CLEC4G: variants seen among roughly 807,000 people sequenced by gnomAD.
The protein encoded by CLEC4G is C-type lectin domain family 4 member G, also known as C-type lectin superfamily 4, member G.
Under a neutral mutation model 37.0 loss-of-function variants are expected in CLEC4G, and 34 were observed. The observed-to-expected ratio is 0.92, with a 90% CI of 0.70 to 1.22. The LOEUF is 1.22. CLEC4G is among the 50% of genes most tolerant of loss of function. CLEC4G has a pLI of 0.00. For synonymous variants in CLEC4G, 167 were observed against 165.6 expected (o/e 1.01, Z -0.06); for missense variants, 390 against 392.9 (o/e 0.99, Z 0.06).
chr19:7,730,509 G>A lies in CLEC4G; in HGVS notation c.389-69C>T. On this transcript the variant is annotated intron_variant, in intron 5 of 8. Coordinates refer to ENST00000328853, the MANE Select transcript of CLEC4G (RefSeq NM_198492.4). The surrounding 1 kb of genome is among the most constrained non-coding windows in gnomAD (Gnocchi z 7.3). The stretch of plus-strand genomic sequence containing the variant: ...AGGACCAGGGTCATGACTAGCTAAA[G>A]GTCAGGACCCCTGTCTGTGGTCATT... 1 of 1,566,486 alleles carries A rather than the reference G, an allele frequency of 6.4e-7. No homozygotes were observed. The highest frequency in any genetic ancestry group is 8.6e-7 in the Non-Finnish European group (1 of 1,163,536).
At chr19:7,731,985 C>A in intron 1 of CLEC4G, 63 bp downstream of exon 1, 3 of 1,464,186 alleles carry the variant, frequency 2.0e-6, no homozygotes, top group Non-Finnish European at 1.9e-6. Context: ...TCGACTCTTC[C>A]CTCCCCTCCC....
In CLEC4G at chr19:7,731,280, A is replaced by G; in HGVS notation, c.206T>C (p.Leu69Pro). ...ERAALLDGHD[L>P]LRTNASKQTA... The stretch of plus-strand genomic sequence containing the variant: ...TCTGCACACACCGTTTGTCCTCAGC[A>G]GGTCGTGGCCGTCAAGCAGCGCCGC... Residue 69 changes from leucine (L) to proline (P), a missense_variant, in exon 3 of 9, where the codon CTG (leucine) becomes CCG (proline). Transcript: ENST00000328853. 6.3e-7 allele frequency: 1 copy of G among 1,591,818 alleles called. No individual in the cohort carries two copies. Among genetic ancestry groups the G allele is most frequent in the Non-Finnish European group, 8.5e-7 (1 of 1,173,142 alleles).
At position 7,730,083 on chromosome 19, in the gene CLEC4G, G is replaced by T; in HGVS notation, c.563C>A (p.Ala188Glu). 6.2e-7 allele frequency: 1 copy of T among 1,607,742 alleles called. No homozygotes were observed. Residue 188 changes from alanine to glutamate, a missense_variant, in exon 7 of 9, where the codon GCG (alanine) becomes GAG (glutamate). Ala to Glu is a moderately radical substitution (Grantham distance 107, BLOSUM62 -1). Transcript: ENST00000328853. The surrounding 1 kb of genome is among the most constrained non-coding windows in gnomAD (Gnocchi z 7.3). ...GGCATCTGCGCAGTGATCCTGCGCC[G>T]CCGCCCACGTCGTCTTTGGCACAGA... ...FFSVPKTTWAAAQDHCADASA... is the reference protein window; with the variant it reads ...FFSVPKTTWAEAQDHCADASA...
Position 7,730,313 on chromosome 19 carries a change from G to T in CLEC4G, c.478+38C>A. 2 of 1,585,326 alleles carry T rather than the reference G, an allele frequency of 1.3e-6. No homozygotes were observed. The highest frequency in any genetic ancestry group is 8.5e-7 in the Non-Finnish European group (1 of 1,170,068). ...TCCAGGAGTGACAGGGTCCGCTTAC[G>T]CCCTCACAGCCCGCCCCCGACCCCC... is the stretch of plus-strand genomic sequence containing the variant. On this transcript the variant is annotated intron_variant, in intron 6 of 8. Transcript: ENST00000328853. This position sits in a 1 kb window ranked among gnomAD's most constrained non-coding sequence, Gnocchi z 7.3.
At position 7,731,786 on chromosome 19, in the gene CLEC4G, A is replaced by G. The variant is rs768086291; in HGVS notation, c.56-15T>C. On this transcript the variant is annotated splice_polypyrimidine_tract_variant and intron_variant, in intron 1 of 8. Transcript: ENST00000328853. ...TCCCCAGGGCCCTGGCATAACAAGG[A>G]CGGCATGCTGGGTCCCCCAGAACTG... 1 of 1,609,158 alleles carries G rather than the reference A, an allele frequency of 6.2e-7. No homozygotes were observed. Among genetic ancestry groups the G allele is most frequent in the Non-Finnish European group, 8.5e-7 (1 of 1,177,782 alleles).
chr19:7,729,912 C>T lies in CLEC4G; in HGVS notation c.652G>A (p.Gly218Ser). 1 of 1,614,176 alleles carries T rather than the reference C, an allele frequency of 6.2e-7. No individual in the cohort carries two copies. Among genetic ancestry groups the T allele is most frequent in the Non-Finnish European group, 8.5e-7 (1 of 1,180,028 alleles). The change falls in exon 8 of 9, where the codon GGC (glycine) becomes AGC (serine). Residue 218 changes from glycine to serine, a missense_variant. Physicochemically the swap from Gly to Ser is moderately conservative, Grantham distance 56. Coordinates refer to ENST00000328853, the MANE Select transcript of CLEC4G (RefSeq NM_198492.4). Reference protein sequence around the residue: ...EQGFLTRNTRGRGYWLGLRAV... With the variant: ...EQGFLTRNTRSRGYWLGLRAV... The stretch of plus-strand genomic sequence containing the variant: ...CTCAGGCCCAGCCAGTAACCACGGC[C>T]ACGCGTGTTCCGAGTGAGGAAGCCC...
chr19:7,731,659 AC>A lies in CLEC4G; in HGVS notation c.166+1del, dbSNP rs758510011. ...AACACCTCCCCATTGAGAGTCACTC[AC>A]CCTTGGACAATAGGATACTCAGAAT... On this transcript the variant is annotated splice_donor_variant, in intron 2 of 8. Coordinates refer to ENST00000328853, the MANE Select transcript of CLEC4G (RefSeq NM_198492.4). LOFTEE classifies it high-confidence loss of function. 1.2e-6 allele frequency: 2 copies of A among 1,613,132 alleles called. No homozygotes were observed. The highest frequency in any genetic ancestry group is 1.7e-6 in the Non-Finnish European group (2 of 1,179,616).
At position 7,730,112 on chromosome 19, in the gene CLEC4G, A is replaced by G; in HGVS notation, c.534T>C (p.Phe178=). Residue 178 remains phenylalanine (F), a synonymous_variant, in exon 7 of 9, where the codon TTT becomes TTC. Transcript: ENST00000328853. The surrounding 1 kb of genome is among the most constrained non-coding windows in gnomAD (Gnocchi z 7.3). ...SWLSFEGSCY[F]FSVPKTTWAA... is the part of the protein sequence containing the mutation. ...CCCACGTCGTCTTTGGCACAGAGAA[A>G]AAGTAGCAGGAGCCCTCGAAGGACA... The G allele has an allele frequency of 6.2e-7, 1 of 1,612,538 alleles. No individual in the cohort carries two copies. The highest frequency in any genetic ancestry group is 8.5e-7 in the Non-Finnish European group (1 of 1,179,562).
Position 7,729,841 on chromosome 19 carries a change from G to T in CLEC4G, c.723C>A (p.Asp241Glu). 1 of 1,614,120 alleles carries T rather than the reference G, an allele frequency of 6.2e-7. No individual in the cohort carries two copies. The highest frequency in any genetic ancestry group is 8.5e-7 in the Non-Finnish European group (1 of 1,180,018). ...CTCACCTGAAGCTGAGAGAGACTCC[G>T]TCCACCCACTGGTAGCCCTGAACCT... ...LGKVQGYQWV[D>E]GVSLSFSHWN... The change falls in exon 8 of 9, where the codon GAC becomes GAA. Residue 241 changes from aspartate (D) to glutamate (E), a missense_variant. Asp to Glu is a conservative substitution (Grantham distance 45). Transcript: ENST00000328853.
chr19:7,729,848 C>T lies in CLEC4G; in HGVS notation c.716G>A (p.Trp239Ter). The T allele has an allele frequency of 6.2e-7, 1 of 1,614,188 alleles. No homozygotes were observed. The highest frequency in any genetic ancestry group is 8.5e-7 in the Non-Finnish European group (1 of 1,180,026). ...GAAGCTGAGAGAGACTCCGTCCACC[C>T]ACTGGTAGCCCTGAACCTTGCCCAG... is the stretch of plus-strand genomic sequence containing the variant. ...RHLGKVQGYQ[W>*]VDGVSLSFSH... Residue 239 changes from tryptophan (W) to a stop codon, truncating the protein, a stop_gained, in exon 8 of 9, where the codon TGG (tryptophan) becomes TAG (stop). Transcript: ENST00000328853. LOFTEE classifies it low-confidence loss of function (END_TRUNC).
Position 7,731,751 on chromosome 19 carries a change from G to T in CLEC4G, c.76C>A (p.His26Asn). 6.2e-7 allele frequency: 1 copy of T among 1,613,988 alleles called. No individual in the cohort carries two copies. Among genetic ancestry groups the T allele is most frequent in the Non-Finnish European group, 8.5e-7 (1 of 1,179,976 alleles). Reference protein sequence around the residue: ...VPGGPWGRWVHWSRRPLFLAL... With the variant: ...VPGGPWGRWVNWSRRPLFLAL... ...AAGAAGAGGGGTCTCCTGCTCCAGTGCACCCAGCGTCCCCAGGGCCCTGGC... is the reference window on the plus strand; with the variant it reads ...AAGAAGAGGGGTCTCCTGCTCCAGTTCACCCAGCGTCCCCAGGGCCCTGGC... Residue 26 changes from histidine to asparagine, a missense_variant, in exon 2 of 9, where the codon CAC becomes AAC. Transcript: ENST00000328853.
Position 7,731,789 on chromosome 19 carries a change from G to T in CLEC4G, c.56-18C>A. On this transcript the variant is annotated intron_variant, in intron 1 of 8. Transcript: ENST00000328853. ...CCAGGGCCCTGGCATAACAAGGACG[G>T]CATGCTGGGTCCCCCAGAACTGAGC... 1 of 1,607,546 alleles carries T rather than the reference G, an allele frequency of 6.2e-7. No individual in the cohort carries two copies. Among genetic ancestry groups the T allele is most frequent in the Non-Finnish European group, 8.5e-7 (1 of 1,176,986 alleles).
chr19:7,730,672 G>C lies in CLEC4G; in HGVS notation c.388+83C>G, dbSNP rs1054130634. ...AGGGTCAGGACGGGGTGCATGATCG[G>C]GGTCGGGGGTCAGCACTCAGGACGG... On this transcript the variant is annotated intron_variant, in intron 5 of 8. Coordinates refer to ENST00000328853, the MANE Select transcript of CLEC4G (RefSeq NM_198492.4). This position sits in a 1 kb window ranked among gnomAD's most constrained non-coding sequence, Gnocchi z 7.3. 8.6e-5 allele frequency: 127 copies of C among 1,474,876 alleles called. 1 individual carries two copies. The African/African-American group carries it at 1.7e-3, about 19-fold the overall frequency. The allele number at this position is 1,474,876 out of a possible 1,614,324, so 91.4% of individuals were successfully genotyped here.
chr19:7,729,559 G>A, intron 8 of CLEC4G, 55 bp from the exon 9 acceptor site: 2 of 1,402,682 alleles, frequency 1.4e-6, no homozygotes, highest in South Asian at 1.3e-5. Context: ...GGATGAACTC[G>A]GGGTCCCGCC....
chr19:7,731,627 C>T, intron 2 of CLEC4G, 34 bp downstream of exon 2: 2 of 1,608,570 alleles, frequency 1.2e-6, no homozygotes, highest in Non-Finnish European at 1.7e-6. Context: ...CCAGGGGGGC[C>T]GGATGCAACA....
At position 7,729,335 on chromosome 19, in the gene CLEC4G, A is replaced by C. The variant is rs1352343269; in HGVS notation, c.*31T>G. 1 of 1,502,152 alleles carries C rather than the reference A, an allele frequency of 6.7e-7. No homozygotes were observed. The highest frequency in any genetic ancestry group is 1.1e-5 in the South Asian group (1 of 88,894). The allele number at this position is 1,502,152 out of a possible 1,614,324, so 93.1% of individuals were successfully genotyped here. A position where few individuals can be genotyped will look rare whatever the true frequency, so the allele number is the denominator to read the frequency against. ...CAGCCCCCAGGATACGACATGCTGCAATGGGCGCGGCTCCAGGGCACTGGG... is the reference window on the plus strand; with the variant it reads ...CAGCCCCCAGGATACGACATGCTGCCATGGGCGCGGCTCCAGGGCACTGGG... On this transcript the variant is annotated 3_prime_UTR_variant, in exon 9 of 9. Coordinates refer to ENST00000328853, the MANE Select transcript of CLEC4G (RefSeq NM_198492.4).
At position 7,729,054 on chromosome 19, in the gene CLEC4G, T is replaced by C. The variant is rs1214866631; in HGVS notation, c.*312A>G. The stretch of plus-strand genomic sequence containing the variant: ...ATGCGAGAAAACCAAACAGCTCCAG[T>C]CCTCAGTCACCTAACCTTGGTTAGG... On this transcript the variant is annotated 3_prime_UTR_variant, in exon 9 of 9. Coordinates refer to ENST00000328853, the MANE Select transcript of CLEC4G (RefSeq NM_198492.4). 2.1e-6 allele frequency: 1 copy of C among 465,550 alleles called. No homozygotes were observed. Among genetic ancestry groups the C allele is most frequent in the East Asian group, 4.7e-5 (1 of 21,268 alleles). The allele number at this position is 465,550 out of a possible 1,614,324, so 28.8% of individuals were successfully genotyped here.
intron 2 of CLEC4G, 134 bp from the exon 3 acceptor site, chr19:7,731,453 C>T: frequency 1.4e-6 from 2 of 1,479,836 alleles, no homozygotes; most frequent in Non-Finnish European, 1.8e-6. Context: ...TGCACACACG[C>T]CGATGGGAGA....
chr19:7,729,385 T>A lies in CLEC4G; in HGVS notation c.863A>T (p.Glu288Val). 6.2e-7 allele frequency: 1 copy of A among 1,609,476 alleles called. No individual in the cohort carries two copies. The highest frequency in any genetic ancestry group is 2.2e-5 in the East Asian group (1 of 44,864). ...CDSEKDGWIC[E>V]KRHNC is the part of the protein sequence containing the mutation. The stretch of plus-strand genomic sequence containing the variant: ...GCGGGGTCAGCAGTTGTGCCTTTTC[T>A]CACAGATCCAGCCGTCCTTCTCGCT... The change falls in exon 9 of 9, where the codon GAG becomes GTG. Residue 288 changes from glutamate (E) to valine (V), a missense_variant. Coordinates refer to ENST00000328853, the MANE Select transcript of CLEC4G (RefSeq NM_198492.4).
Sources: allele counts gnomAD v4.1 joint callset, GRCh38; gene constraint gnomAD v4.1.1; non-coding constraint Gnocchi (gnomAD v3.1); transcripts MANE v1.5; gene names NCBI Gene and HGNC (gene_info 2026-07-23, HGNC 2026-07-21).